PDE4D: variants seen among roughly 807,000 people sequenced by gnomAD.
The protein encoded by PDE4D is phosphodiesterase 4D.
A neutral mutation model predicts 87.4 loss-of-function variants in PDE4D; 24 were observed. That is an observed-to-expected ratio of 0.27 (90% CI 0.20 to 0.39). The LOEUF is 0.39. PDE4D is among the 10% of genes least tolerant of loss of function. The pLI is 1.00. For missense variants in PDE4D, 714 were observed against 1,041.0 expected, an observed-to-expected ratio of 0.69 and a Z score of 4.32; for synonymous variants, 384 against 383.2, an observed-to-expected ratio of 1.00 and a Z score of -0.02.
intron 1 of PDE4D, among the ~76,000 whole-genome samples, chr5:59,539,251 G>T (rs966964961): frequency 2.0e-5 from 3 of 152,168 alleles, no homozygotes; most frequent in Admixed American, 6.6e-5. Flanking sequence ...ATGCAGATAT[G>T]TACAAAGACC....
At chr5:59,007,545 T>C (rs1409434972) in intron 6 of PDE4D, among the ~76,000 whole-genome samples, 1 of 152,148 alleles carries the variant, frequency 6.6e-6, no homozygotes, top group Admixed American at 6.5e-5. Context: ...CATAACAGAA[T>C]GTTACATGTA....
intron 1 of PDE4D, among the ~76,000 whole-genome samples, chr5:59,467,123 C>T (rs1801699098): frequency 6.6e-6 from 1 of 152,162 alleles, no homozygotes; most frequent in Non-Finnish European, 1.5e-5. Context: ...AGAGAGGCCT[C>T]AGAAGAAACC....
At position 59,371,546 on chromosome 5, in the gene PDE4D, G is replaced by A. The variant is rs1436656662; in HGVS notation, c.456-155578C>T. Among the ~76,000 whole-genome samples the A allele has an allele frequency of 2.0e-5, 3 of 152,002 alleles. No individual in the cohort carries two copies. In the East Asian group the frequency reaches 5.8e-4, roughly 29 times the overall value. ...TCAAATATTTTTCATACTCAGTTAA[G>A]GTGGTTTTTGATCTTACTGCGATGT... On this transcript the variant is annotated intron_variant, in intron 1 of 14. Transcript: ENST00000340635.
intron 1 of PDE4D, among the ~76,000 whole-genome samples, chr5:59,652,642 ATTTG>A (rs1482583693): frequency 1.3e-5 from 2 of 152,184 alleles, no homozygotes; most frequent in Admixed American, 1.3e-4. Flanking sequence ...ATGACTGTAT[ATTTG>A]TTTGAGAGAT....
At chr5:60,056,492 A>C (rs371517013) in intron 2 of PDE4D, among the ~76,000 whole-genome samples, 44 of 152,168 alleles carry the variant, frequency 2.9e-4, no homozygotes, top group African/African-American at 9.6e-4. Context: ...TTTAAGTGGA[A>C]GAGAGACAGC....
chr5:59,572,366 T>C (rs1313502814), intron 1 of PDE4D, among the ~76,000 whole-genome samples: 2 of 152,222 alleles, frequency 1.3e-5, no homozygotes, highest in Non-Finnish European at 2.9e-5. Context: ...ATATTTTTTA[T>C]TTGGATTATC....
chr5:59,301,761 T>G (rs1478394079), intron 1 of PDE4D, among the ~76,000 whole-genome samples: 2 of 151,814 alleles, frequency 1.3e-5, no homozygotes, highest in African/African-American at 4.8e-5. Flanking sequence ...TAGGCAGATA[T>G]GAGCAGGGTA....
chr5:59,374,474 T>C (rs1158790068), intron 1 of PDE4D, among the ~76,000 whole-genome samples: 1 of 152,182 alleles, frequency 6.6e-6, no homozygotes, highest in Non-Finnish European at 1.5e-5. Context: ...CAAGAAGATC[T>C]AATTATCCTA....
intron 1 of PDE4D, among the ~76,000 whole-genome samples, chr5:60,424,223 C>A (rs1162112355): frequency 6.6e-6 from 1 of 152,034 alleles, no homozygotes; most frequent in African/African-American, 2.4e-5. Context: ...GGCAGAGACA[C>A]AACAAAAAAA....
At chr5:60,123,803 A>AAAAT (rs1318454305) in intron 2 of PDE4D, among the ~76,000 whole-genome samples, 1 of 152,150 alleles carries the variant, frequency 6.6e-6, no homozygotes, top group Non-Finnish European at 1.5e-5. Context: ...TTCTCATTTT[A>AAAAT]CTCTGAAGCC....
At chr5:59,857,985 TGAAG>T (rs754706328) in intron 1 of PDE4D, among the ~76,000 whole-genome samples, 305 of 95,372 alleles carry the variant, frequency 3.2e-3, no homozygotes, top group East Asian at 8.6e-3. Flanking sequence ...GAAGGAGAGA[TGAAG>T]GAAGGAAGGA....
chr5:60,037,197 T>C (rs549126577), intron 2 of PDE4D, among the ~76,000 whole-genome samples: 3 of 152,340 alleles, frequency 2.0e-5, no homozygotes, highest in South Asian at 2.1e-4. Flanking sequence ...TTATATAATC[T>C]TGAAGTTTGG....
intron 2 of PDE4D, among the ~76,000 whole-genome samples, chr5:60,160,138 ACTTT>A (rs1490016314): frequency 1.4e-4 from 22 of 152,128 alleles, no homozygotes; most frequent in African/African-American, 5.3e-4. Context: ...ATCTATTTTC[ACTTT>A]CTTATGATTT....
intron 1 of PDE4D, among the ~76,000 whole-genome samples, chr5:60,469,490 C>T (rs1446138684): frequency 6.6e-6 from 1 of 152,164 alleles, no homozygotes. Context: ...GCCTCCAGCC[C>T]TTATCTGTTT....
intron 2 of PDE4D, chr5:60,127,459 T>C: frequency 2.4e-6 from 1 of 414,098 alleles, no homozygotes; most frequent in Non-Finnish European, 4.3e-6. Context: ...CAGCTATCAC[T>C]GTGGTTCAGG....
At chr5:60,167,252 G>A (rs994351194) in intron 2 of PDE4D, among the ~76,000 whole-genome samples, 7 of 144,194 alleles carry the variant, frequency 4.9e-5, no homozygotes, top group Non-Finnish European at 9.0e-5. Flanking sequence ...TCCTCTCCTT[G>A]AACTGTGTAT....
intron 6 of PDE4D, 40 bp from the exon 7 acceptor site, chr5:58,993,505 A>G: frequency 1.5e-6 from 2 of 1,308,968 alleles, no homozygotes; most frequent in Non-Finnish European, 2.2e-6. Flanking sequence ...TAGAAGAGGA[A>G]AATTTAAGTG....
At chr5:60,275,292 T>C (rs963493785) in intron 1 of PDE4D, among the ~76,000 whole-genome samples, 8 of 152,194 alleles carry the variant, frequency 5.3e-5, no homozygotes, top group Non-Finnish European at 1.2e-4. Flanking sequence ...GAAATGACTA[T>C]GAGAAGCAAC....
At chr5:58,999,944 G>A (rs902849857) in intron 6 of PDE4D, 5 of 984,020 alleles carry the variant, frequency 5.1e-6, no homozygotes, top group African/African-American at 3.5e-5. Flanking sequence ...CAGGGAAGCC[G>A]GGAAGAGTGA....
Sources: gnomAD v4.1 joint callset for allele counts (sites outside exome capture counted in the v4.1 genomes callset) on GRCh38, gnomAD v4.1.1 for gene constraint, MANE v1.5 for transcripts, NCBI Gene and HGNC (gene_info 2026-07-23, HGNC 2026-07-21) for gene names.